Variants in SWT1 observed in about 807,000 individuals in gnomAD.
The protein encoded by SWT1 is SWT1 RNA endoribonuclease homolog.
In SWT1, 33 loss-of-function variants were observed where a neutral mutation model predicts 107.3. The ratio of observed to expected loss-of-function variants is 0.31; its 90% CI spans 0.23 to 0.41. SWT1 has a LOEUF of 0.41. Ranked by LOEUF, SWT1 falls within the 10% of genes least tolerant of loss-of-function variation. The probability of loss-of-function intolerance (pLI) is 1.00; values close to 1 mark genes in which losing one functional copy is unlikely to be tolerated. For synonymous variants in SWT1, 345 were observed against 348.3 expected (o/e 0.99, Z 0.11); for missense variants, 898 against 1,028.9 (o/e 0.87, Z 1.74).
intron 18 of SWT1, among the ~76,000 whole-genome samples, chr1:185,282,608 C>G (rs539064671): frequency 6.6e-6 from 1 of 151,898 alleles, no homozygotes; most frequent in Non-Finnish European, 1.5e-5. Flanking sequence ...TTGTGGGAAC[C>G]CTCCTGATTT....
chr1:185,277,005 GTTTA>G (rs951904252), intron 18 of SWT1, among the ~76,000 whole-genome samples: 5 of 152,006 alleles, frequency 3.3e-5, no homozygotes, highest in African/African-American at 2.4e-5. Flanking sequence ...ATTTTAAAAT[GTTTA>G]TTTATTAATT....
chr1:185,184,144 A>T, intron 7 of SWT1, 99 bp from the exon 8 acceptor site: 1 of 617,868 alleles, frequency 1.6e-6, no homozygotes, highest in Non-Finnish European at 2.8e-6. Flanking sequence ...GAGGCGTTTT[A>T]AATTTAATTG....
At chr1:185,249,481 T>C (rs2102639185) in intron 16 of SWT1, among the ~76,000 whole-genome samples, 1 of 152,222 alleles carries the variant, frequency 6.6e-6, no homozygotes, top group Non-Finnish European at 1.5e-5. Flanking sequence ...GTCTTATCCC[T>C]TTATAGGATT....
intron 18 of SWT1, among the ~76,000 whole-genome samples, chr1:185,277,129 G>C (rs1475795004): frequency 6.6e-6 from 1 of 152,214 alleles, no homozygotes; most frequent in Non-Finnish European, 1.5e-5. Flanking sequence ...ATAGAAGGCA[G>C]TGGGATTCTT....
At chr1:185,240,334 C>G (rs538232232) in intron 16 of SWT1, among the ~76,000 whole-genome samples, 1 of 152,086 alleles carries the variant, frequency 6.6e-6, no homozygotes, top group South Asian at 2.1e-4. Context: ...GTTTCATGAA[C>G]TGAAGTAGCT....
intron 8 of SWT1, 69 bp downstream of exon 8, chr1:185,184,413 G>GT (rs76544683): frequency 0.37 from 340,861 of 910,298 alleles, 68,446 homozygotes; most frequent in African/African-American, 0.65. Context: ...TAACAATGAT[G>GT]GGCTTTTTTT....
At chr1:185,232,569 G>GAT (rs1292717562) in intron 16 of SWT1, among the ~76,000 whole-genome samples, 9 of 152,084 alleles carry the variant, frequency 5.9e-5, no homozygotes, top group Non-Finnish European at 1.2e-4. Context: ...TTTTAATAGA[G>GAT]ATATATATAT....
chr1:185,165,463 A>T (rs868848274), intron 2 of SWT1, among the ~76,000 whole-genome samples: 1 of 152,176 alleles, frequency 6.6e-6, no homozygotes, highest in African/African-American at 2.4e-5. Context: ...GAGTCTGACT[A>T]TCTCCTTTAC....
chr1:185,265,409 C>T (rs958618348), intron 16 of SWT1, among the ~76,000 whole-genome samples: 7 of 152,146 alleles, frequency 4.6e-5, no homozygotes, highest in South Asian at 2.1e-4. Flanking sequence ...CCCCCCCAAA[C>T]GTGCTCTAAG....
chr1:185,206,727 T>C lies in SWT1; in HGVS notation c.1936T>C (p.Leu646=). 1 of 1,607,254 alleles carries C rather than the reference T, an allele frequency of 6.2e-7. No individual in the cohort carries two copies. The highest frequency in any genetic ancestry group is 8.5e-7 in the Non-Finnish European group (1 of 1,176,712). ...FGLVMEKNLL[L]TIESLYKNLR... ...ATTAGTTATGGAAAAGAACTTGCTTTTAACTATTGAGAGCCTATACAAAAA... is the reference window on the plus strand; with the variant it reads ...ATTAGTTATGGAAAAGAACTTGCTTCTAACTATTGAGAGCCTATACAAAAA... Residue 646 remains leucine, a synonymous_variant, in exon 13 of 19, where the codon TTA becomes CTA. Transcript: ENST00000367500.
Position 185,175,101 on chromosome 1 carries a change from A to G in SWT1, c.954A>G (p.Glu318=). The G allele has an allele frequency of 6.4e-7, 1 of 1,552,158 alleles. No homozygotes were observed. Among genetic ancestry groups the G allele is most frequent in the Non-Finnish European group, 8.7e-7 (1 of 1,152,076 alleles). ...AAAGTAATGATTCACATTCTAGGGAAAACCTAACCCAGGTAAGGTAGTAAA... is the reference window on the plus strand; with the variant it reads ...AAAGTAATGATTCACATTCTAGGGAGAACCTAACCCAGGTAAGGTAGTAAA... The part of the protein sequence containing the change: ...HQESNDSHSR[E]NLTQSFEAPC... The change falls in exon 5 of 19, where the codon GAA becomes GAG. Residue 318 remains glutamate, a synonymous_variant. Coordinates refer to ENST00000367500, the MANE Select transcript of SWT1 (RefSeq NM_017673.7).
chr1:185,178,261 A>C (rs571480159), intron 5 of SWT1, among the ~76,000 whole-genome samples: 2 of 152,176 alleles, frequency 1.3e-5, no homozygotes, highest in African/African-American at 4.8e-5. Context: ...ACATGAGCAC[A>C]TAGGTTGTCA....
intron 18 of SWT1, among the ~76,000 whole-genome samples, chr1:185,277,181 G>A (rs183296258): frequency 9.2e-5 from 14 of 152,256 alleles, no homozygotes; most frequent in Middle Eastern, 6.8e-3. Flanking sequence ...AAGCATGGCC[G>A]GATTGCGGGA....
chr1:185,184,203 T>G lies in SWT1; in HGVS notation c.1139-40T>G, dbSNP rs775291315. 8 of 1,038,716 alleles carry G rather than the reference T, an allele frequency of 7.7e-6. No homozygotes were observed. The Admixed American group carries it at 1.7e-4, about 22-fold the overall frequency. 64.3% of individuals were successfully genotyped at this position (1,038,716 alleles called of 1,614,324 possible). ...CAAAATTTTAGTCATTATATAAGTC[T>G]GTTATCAAGTGTCATGAAATATTTG... is the stretch of plus-strand genomic sequence containing the variant. On this transcript the variant is annotated intron_variant, in intron 7 of 18. Coordinates refer to ENST00000367500, the MANE Select transcript of SWT1 (RefSeq NM_017673.7).
At chr1:185,238,681 C>G (rs2102599471) in intron 16 of SWT1, among the ~76,000 whole-genome samples, 1 of 152,080 alleles carries the variant, frequency 6.6e-6, no homozygotes, top group South Asian at 2.1e-4. Context: ...CTTAACTCAC[C>G]ATTCACTTAT....
chr1:185,180,042 C>T (rs1021866320), intron 5 of SWT1, among the ~76,000 whole-genome samples: 5 of 152,028 alleles, frequency 3.3e-5, no homozygotes, highest in East Asian at 1.9e-4. Context: ...AAAAATTAGC[C>T]GGGTGTGTTG....
At chr1:185,283,878 A>T (rs147335183) in intron 18 of SWT1, among the ~76,000 whole-genome samples, 2 of 152,240 alleles carry the variant, frequency 1.3e-5, no homozygotes, top group Non-Finnish European at 2.9e-5. Flanking sequence ...TTGTTTATTC[A>T]TTCATCTCTT....
intron 4 of SWT1, among the ~76,000 whole-genome samples, chr1:185,172,462 A>G (rs934194725): frequency 2.0e-5 from 3 of 152,168 alleles, no homozygotes; most frequent in Admixed American, 1.3e-4. Context: ...GTCATTTCCA[A>G]AATTTTAGCA....
intron 10 of SWT1, among the ~76,000 whole-genome samples, chr1:185,200,032 G>A (rs903798371): frequency 4.0e-5 from 6 of 151,540 alleles, no homozygotes; most frequent in Admixed American, 1.3e-4. Context: ...CCGCTTGATC[G>A]GTTTGGCTGT....
Sources: allele counts gnomAD v4.1 joint callset (sites outside exome capture counted in the v4.1 genomes callset), GRCh38; gene constraint gnomAD v4.1.1; transcripts MANE v1.5; gene names NCBI Gene and HGNC (gene_info 2026-07-23, HGNC 2026-07-21).